ERMN: variants seen among roughly 807,000 people sequenced by gnomAD.
ERMN encodes the protein ermin.
In ERMN, 17 loss-of-function variants were observed where a neutral mutation model predicts 21.4. The ratio of observed to expected loss-of-function variants is 0.80; its 90% CI spans 0.54 to 1.19. The LOEUF is 1.19. Ranked by LOEUF, ERMN falls within the 50% of genes most tolerant of loss-of-function variation. The probability of loss-of-function intolerance (pLI) is 0.00; values close to 1 mark genes in which losing one functional copy is unlikely to be tolerated. For synonymous variants in ERMN, 115 were observed against 111.9 expected, an observed-to-expected ratio of 1.03 and a Z score of -0.17; for missense variants, 348 against 331.6, an observed-to-expected ratio of 1.05 and a Z score of -0.38.
At chr2:157,325,188 T>C in intron 1 of ERMN, 1 of 704,052 alleles carries the variant, frequency 1.4e-6, no homozygotes, top group Non-Finnish European at 2.6e-6. Context: ...AAACTCAGGC[T>C]TCGGGAGACA....
upstream of ERMN, among the ~76,000 whole-genome samples, chr2:157,327,026 G>A (rs143960819): frequency 5.2e-4 from 79 of 151,130 alleles, no homozygotes; most frequent in African/African-American, 1.3e-3. Context: ...ATAGTAGCAC[G>A]CAATAAAAAT....
At chr2:157,322,504 A>G (rs1430976352) in intron 2 of ERMN, among the ~76,000 whole-genome samples, 1 of 152,128 alleles carries the variant, frequency 6.6e-6, no homozygotes, top group Non-Finnish European at 1.5e-5. Context: ...GGTGTACACA[A>G]CTCAGAAATC....
upstream of ERMN, chr2:157,327,456 A>G (rs1684094168): frequency 1.3e-6 from 1 of 779,934 alleles, no homozygotes; most frequent in Admixed American, 1.7e-5. Context: ...TTGACTCATA[A>G]ATAGTAATAC....
intron 2 of ERMN, among the ~76,000 whole-genome samples, chr2:157,322,672 G>C (rs1196674200): frequency 6.6e-6 from 1 of 152,150 alleles, no homozygotes; most frequent in Admixed American, 6.5e-5. Flanking sequence ...TTTCATCCAA[G>C]GTGTTCAGTT....
upstream of ERMN, chr2:157,327,517 T>C (rs1684095912): frequency 1.3e-6 from 1 of 777,740 alleles, no homozygotes; most frequent in Non-Finnish European, 2.4e-6. Flanking sequence ...TTATCTCCAT[T>C]TTATAGACTA....
rs534231789 is a variant in ERMN at position 157,325,201 on chromosome 2, A to G, written c.241+201T>C. 5.4e-6 allele frequency: 4 copies of G among 742,260 alleles called. No individual in the cohort carries two copies. In the East Asian group the frequency reaches 1.1e-4, roughly 21 times the overall value. The allele number at this position is 742,260 out of a possible 1,614,324, so 46.0% of individuals were successfully genotyped here. ...AAAAACTCAGGCTTCGGGAGACAGA[A>G]AGTTGTCTGGGGTCACAGCTGTCAA... On this transcript the variant is annotated intron_variant, in intron 1 of 2. Coordinates refer to ENST00000410096, the MANE Select transcript of ERMN (RefSeq NM_020711.3).
chr2:157,322,233 T>TACAC (rs60818980), intron 2 of ERMN, among the ~76,000 whole-genome samples: 2 of 145,460 alleles, frequency 1.4e-5, no homozygotes, highest in Non-Finnish European at 3.0e-5. Flanking sequence ...TTCTCACACA[T>TACAC]ACACACACAC....
At chr2:157,324,414 G>C in intron 2 of ERMN, 2 of 427,746 alleles carry the variant, frequency 4.7e-6, no homozygotes, top group East Asian at 4.9e-5. Flanking sequence ...ACTAACTTAA[G>C]AGATAGACAT....
chr2:157,325,948 T>C, upstream of ERMN: 1 of 1,269,066 alleles, frequency 7.9e-7, no homozygotes, highest in South Asian at 2.2e-5. Context: ...TTGATTTACA[T>C]AAACAAACAA....
upstream of ERMN, chr2:157,325,955 A>G: frequency 1.6e-6 from 2 of 1,242,282 alleles, no homozygotes; most frequent in Non-Finnish European, 2.0e-6. Context: ...ACATAAACAA[A>G]CAATCTGAAG....
upstream of ERMN, among the ~76,000 whole-genome samples, chr2:157,326,485 G>A (rs1038931894): frequency 9.9e-5 from 15 of 152,050 alleles, no homozygotes; most frequent in East Asian, 1.9e-4. Context: ...TAAAATTATC[G>A]CCATGAAGGT....
chr2:157,324,146 C>A, intron 2 of ERMN: 1 of 254,822 alleles, frequency 3.9e-6, no homozygotes, highest in South Asian at 3.5e-5. Flanking sequence ...GTGTCAGGTG[C>A]CTGTAATCCC....
intron 2 of ERMN, 27 bp from the exon 3 acceptor site, chr2:157,321,818 G>T: frequency 6.5e-7 from 1 of 1,543,514 alleles, no homozygotes; most frequent in Non-Finnish European, 8.7e-7. Context: ...TGGTAGATGA[G>T]ATGTGTAGAG....
intron 1 of ERMN, 89 bp from the exon 2 acceptor site, chr2:157,324,851 A>G: frequency 1.2e-6 from 1 of 867,066 alleles, no homozygotes; most frequent in South Asian, 1.8e-5. Flanking sequence ...CTCTAGGTAG[A>G]AGTCTTTAAT....
At chr2:157,322,446 C>T (rs566016328) in intron 2 of ERMN, among the ~76,000 whole-genome samples, 3 of 152,164 alleles carry the variant, frequency 2.0e-5, no homozygotes, top group Non-Finnish European at 4.4e-5. Context: ...TGAGGTTGTT[C>T]TCTGAGCCTT....
chr2:157,325,510 C>T lies in ERMN; in HGVS notation c.133G>A (p.Val45Ile). 6.2e-7 allele frequency: 1 copy of T among 1,614,184 alleles called. No individual in the cohort carries two copies. The highest frequency in any genetic ancestry group is 8.5e-7 in the Non-Finnish European group (1 of 1,180,026). The change falls in exon 1 of 3, where the codon GTA (valine) becomes ATA (isoleucine). Residue 45 changes from valine (V) to isoleucine (I), a missense_variant. By Grantham distance (29) the Val-to-Ile change is conservative (BLOSUM62 3). Transcript: ENST00000410096. ...DVDSPLPHYR[V>I]EPSLEGALTK... ...AGTGCACCTTCCAGACTGGGTTCTACCCTGTAGTGTGGCAGGGGGCTGTCC... is the reference window on the plus strand; with the variant it reads ...AGTGCACCTTCCAGACTGGGTTCTATCCTGTAGTGTGGCAGGGGGCTGTCC...
At position 157,321,280 on chromosome 2, in the gene ERMN, C is replaced by T. The variant is rs548980326; in HGVS notation, c.846G>A (p.Met282Ile). 16 of 1,612,358 alleles carry T rather than the reference C, an allele frequency of 9.9e-6. 1 individual carries two copies. In the South Asian group the frequency reaches 1.6e-4, roughly 17 times the overall value. ...CTCAGTTCCAGTTAGTTTATAAATG[C>T]ATCATAGACTCGAATTCATCAATTC... ...KQRIDEFESM[M>I]HL Residue 282 changes from methionine to isoleucine, a missense_variant, in exon 3 of 3, where the codon ATG becomes ATA. Coordinates refer to ENST00000410096, the MANE Select transcript of ERMN (RefSeq NM_020711.3).
In ERMN at chr2:157,325,657, T is replaced by A. The variant is rs368122149; in HGVS notation, c.-15A>T. On this transcript the variant is annotated 5_prime_UTR_variant, in exon 1 of 3. Transcript: ENST00000410096. ...ACATCTGTCATGATGTGCGGTTGAA[T>A]CCGATCTGGAGAGAGAGCTTTAGGG... The A allele has an allele frequency of 6.1e-4, 982 of 1,614,178 alleles. 14 individuals carry two copies. The South Asian group carries it at 0.01, about 17-fold the overall frequency.
chr2:157,322,242 ACACG>A (rs1414899692), intron 2 of ERMN, among the ~76,000 whole-genome samples: 2 of 126,710 alleles, frequency 1.6e-5, no homozygotes, highest in Admixed American at 7.2e-5. Context: ...ATACACACAC[ACACG>A]CACACACACA....
Sources: gnomAD v4.1 joint callset for allele counts (sites outside exome capture counted in the v4.1 genomes callset) on GRCh38, gnomAD v4.1.1 for gene constraint, MANE v1.5 for transcripts, NCBI Gene and HGNC (gene_info 2026-07-23, HGNC 2026-07-21) for gene names.